CNBD1: variants seen among roughly 807,000 people sequenced by gnomAD.
The protein encoded by CNBD1 is cyclic nucleotide-binding domain-containing protein 1.
A neutral mutation model predicts 54.4 loss-of-function variants in CNBD1; 71 were observed. That is an observed-to-expected ratio of 1.30 (90% CI 1.08 to 1.59). The LOEUF (loss-of-function observed/expected upper bound fraction) is 1.59. Among genes scored for constraint, CNBD1 ranks in the 40% most tolerant of loss-of-function variants. CNBD1 has a pLI of 0.00. For synonymous variants in CNBD1, 182 were observed against 170.7 expected (o/e 1.07, Z -0.51); for missense variants, 659 against 518.0 (o/e 1.27, Z -2.64).
chr8:87,319,426 T>C (rs899381107), intron 8 of CNBD1, among the ~76,000 whole-genome samples: 1 of 152,098 alleles, frequency 6.6e-6, no homozygotes, highest in Non-Finnish European at 1.5e-5. Context: ...CTCTTCTCCT[T>C]TGACAATACT....
chr8:87,243,809 TCAAAA>T (rs1202914677), intron 6 of CNBD1, among the ~76,000 whole-genome samples: 1 of 152,034 alleles, frequency 6.6e-6, no homozygotes, highest in Non-Finnish European at 1.5e-5. Flanking sequence ...ATGTCACATA[TCAAAA>T]CAAAAATACC....
chr8:87,360,363 C>CT (rs1563568928), intron 10 of CNBD1, among the ~76,000 whole-genome samples: 1 of 151,732 alleles, frequency 6.6e-6, no homozygotes, highest in African/African-American at 2.4e-5. Context: ...TAGGAAATAT[C>CT]TTTTTTTAAT....
intron 4 of CNBD1, among the ~76,000 whole-genome samples, chr8:87,036,611 A>AG (rs1809955891): frequency 6.6e-6 from 1 of 151,104 alleles, no homozygotes; most frequent in African/African-American, 2.4e-5. Context: ...AAAAAAAAAA[A>AG]AAAAAAAAGA....
At chr8:87,428,146 C>CA (rs1238741984) in intron 2 of CNBD1, among the ~76,000 whole-genome samples, 1 of 135,418 alleles carries the variant, frequency 7.4e-6, no homozygotes, top group Non-Finnish European at 1.6e-5. Context: ...AAAAAAAAGG[C>CA]AAAAAAAGAA....
chr8:87,127,785 G>A (rs138875695), intron 4 of CNBD1, among the ~76,000 whole-genome samples: 153 of 152,086 alleles, frequency 1.0e-3, no homozygotes, highest in African/African-American at 3.5e-3. Context: ...TAGGTGATAC[G>A]GACAGGAGGC....
intron 8 of CNBD1, among the ~76,000 whole-genome samples, chr8:87,305,053 A>G (rs1285076775): frequency 2.0e-5 from 3 of 152,154 alleles, no homozygotes; most frequent in Non-Finnish European, 4.4e-5. Flanking sequence ...ATAAGAATTC[A>G]TAAGTTTCTG....
chr8:87,254,247 A>C (rs994460365), intron 6 of CNBD1, among the ~76,000 whole-genome samples: 1 of 152,210 alleles, frequency 6.6e-6, no homozygotes, highest in African/African-American at 2.4e-5. Flanking sequence ...AAGCCTGAGA[A>C]TAAAAAGAAG....
intron 10 of CNBD1, among the ~76,000 whole-genome samples, chr8:87,361,809 T>C (rs1810529879): frequency 6.6e-6 from 1 of 151,326 alleles, no homozygotes; most frequent in Non-Finnish European, 1.5e-5. Flanking sequence ...GGGGGTAGAA[T>C]TTGAAATATA....
At chr8:87,344,982 C>T (rs1002398729) in intron 8 of CNBD1, among the ~76,000 whole-genome samples, 4 of 152,122 alleles carry the variant, frequency 2.6e-5, no homozygotes, top group African/African-American at 7.2e-5. Context: ...GAAACTTCTC[C>T]TTTTGACACA....
At chr8:87,257,384 A>AAAAAAAAAAAG (rs1216565573) in intron 6 of CNBD1, among the ~76,000 whole-genome samples, 3 of 151,674 alleles carry the variant, frequency 2.0e-5, no homozygotes, top group Admixed American at 6.6e-5. Flanking sequence ...AAAAAAAAAA[A>AAAAAAAAAAAG]AGGAAATGAC....
chr8:87,408,388 C>CAT (rs1236989460), intron 2 of CNBD1, among the ~76,000 whole-genome samples: 1 of 150,522 alleles, frequency 6.6e-6, no homozygotes, highest in African/African-American at 2.5e-5. Context: ...TTTTTAGATA[C>CAT]ATATATGTGT....
At chr8:87,000,938 G>GT (rs1252539281) in intron 4 of CNBD1, among the ~76,000 whole-genome samples, 1 of 152,018 alleles carries the variant, frequency 6.6e-6, no homozygotes, top group Non-Finnish European at 1.5e-5. Flanking sequence ...GCTACCTGCT[G>GT]TTTTTTATCT....
intron 4 of CNBD1, among the ~76,000 whole-genome samples, chr8:87,168,610 A>C (rs1198404546): frequency 1.3e-5 from 2 of 151,090 alleles, no homozygotes; most frequent in Non-Finnish European, 3.0e-5. Context: ...TTTGGTAACC[A>C]TCCTTCTATT....
At chr8:87,240,726 A>ATTTATTTTATCT (rs1807679673) in intron 6 of CNBD1, among the ~76,000 whole-genome samples, 1 of 152,186 alleles carries the variant, frequency 6.6e-6, no homozygotes, top group South Asian at 2.1e-4. Context: ...AATTAAAGGC[A>ATTTATTTTATCT]AAATGGTAAT....
At chr8:87,210,003 GT>G (rs1814059278) in intron 5 of CNBD1, among the ~76,000 whole-genome samples, 1 of 152,126 alleles carries the variant, frequency 6.6e-6, no homozygotes, top group African/African-American at 2.4e-5. Flanking sequence ...GGATCTGATG[GT>G]TTTATAAGGT....
chr8:87,188,223 A>G lies in CNBD1; in HGVS notation c.432-17770A>G, dbSNP rs944545319. On this transcript the variant is annotated intron_variant, in intron 4 of 10. Transcript: ENST00000518476. The stretch of plus-strand genomic sequence containing the variant: ...TTTGCGAATGTCTCTGCTCCCCTAG[A>G]CTAGATTACGTCTCTCCACTACTTT... Among the ~76,000 whole-genome samples, 61 of 152,276 alleles carry G rather than the reference A, an allele frequency of 4.0e-4. 2 individuals are homozygous for G. Among genetic ancestry groups the G allele is most frequent in the Admixed American group, 3.9e-3 (60 of 15,298 alleles).
intron 6 of CNBD1, among the ~76,000 whole-genome samples, chr8:87,279,560 CCA>C (rs1808551914): frequency 6.6e-6 from 1 of 151,022 alleles, no homozygotes; most frequent in Non-Finnish European, 1.5e-5. Flanking sequence ...AACCAGAAGG[CCA>C]AAGTAGCTGT....
At chr8:86,905,603 G>A (rs1809005811) in intron 3 of CNBD1, among the ~76,000 whole-genome samples, 1 of 152,100 alleles carries the variant, frequency 6.6e-6, no homozygotes, top group African/African-American at 2.4e-5. Flanking sequence ...GGCACTGAAA[G>A]GCATTTGTGA....
chr8:87,302,612 C>T (rs1809032579), intron 8 of CNBD1, among the ~76,000 whole-genome samples: 1 of 151,834 alleles, frequency 6.6e-6, no homozygotes, highest in Non-Finnish European at 1.5e-5. Context: ...TCCTATTCAA[C>T]ATAGTGTTGG....
Sources: gnomAD v4.1 joint callset for allele counts (sites outside exome capture counted in the v4.1 genomes callset) on GRCh38, gnomAD v4.1.1 for gene constraint, MANE v1.5 for transcripts, NCBI Gene and HGNC (gene_info 2026-07-23, HGNC 2026-07-21) for gene names.